Variants in SYT9 observed in about 807,000 individuals in gnomAD.
The protein encoded by SYT9 is synaptotagmin-9.
In SYT9, 22 loss-of-function variants were observed where a neutral mutation model predicts 48.4. The observed-to-expected ratio is 0.45, with a 90% CI of 0.32 to 0.65. The LOEUF (loss-of-function observed/expected upper bound fraction) is 0.65. Among genes scored for constraint, SYT9 ranks in the 30% least tolerant of loss-of-function variants. SYT9 has a pLI of 0.03. For synonymous variants in SYT9, 265 were observed against 245.0 expected, an observed-to-expected ratio of 1.08 and a Z score of -0.76; for missense variants, 577 against 622.0, an observed-to-expected ratio of 0.93 and a Z score of 0.77.
intron 1 of SYT9, among the ~76,000 whole-genome samples, chr11:7,267,517 T>A (rs1458473454): frequency 6.6e-6 from 1 of 151,462 alleles, no homozygotes; most frequent in Non-Finnish European, 1.5e-5. Flanking sequence ...TCTCTTGAGT[T>A]AAAAAAAATC....
chr11:7,303,218 C>A lies in SYT9; in HGVS notation c.325C>A (p.Gln109Lys), dbSNP rs144734191. Residue 109 changes from glutamine to lysine, a missense_variant, in exon 2 of 7, where the codon CAG becomes AAG. Physicochemically the swap from Gln to Lys is moderately conservative, Grantham distance 53. Coordinates refer to ENST00000318881, the MANE Select transcript of SYT9 (RefSeq NM_175733.4). ...LNYMDTETNE[Q>K]ENSEDFLDPP... ...CTACATGGACACAGAGACCAATGAG[C>A]AGGAGAACAGTGAGGACTTCCTAGA... The A allele has an allele frequency of 2.5e-6, 4 of 1,613,994 alleles. No homozygotes were observed. Among genetic ancestry groups the A allele is most frequent in the Admixed American group, 1.7e-5 (1 of 59,992 alleles).
At position 7,252,209 on chromosome 11, in the gene SYT9, T is replaced by C. The variant is rs1298926255; in HGVS notation, c.23T>C (p.Leu8Pro). ...GCGATGCCCGGGGCCAGGGACGCGC[T>C]CTGTCACCAGGCGCTGCAGCTGCTG... MPGARDA[L>P]CHQALQLLAE... is the part of the protein sequence containing the mutation. Residue 8 changes from leucine to proline, a missense_variant, in exon 1 of 7, where the codon CTC becomes CCC. Leu to Pro is a moderately conservative substitution (Grantham distance 98, BLOSUM62 -3). Coordinates refer to ENST00000318881, the MANE Select transcript of SYT9 (RefSeq NM_175733.4). This position sits in a 1 kb window ranked among gnomAD's most constrained non-coding sequence, Gnocchi z 6.3. 1.4e-6 allele frequency: 2 copies of C among 1,476,430 alleles called. No homozygotes were observed. The highest frequency in any genetic ancestry group is 4.9e-5 in the Admixed American group (2 of 40,556). 91.5% of individuals were successfully genotyped at this position (1,476,430 alleles called of 1,614,324 possible). A position where few individuals can be genotyped will look rare whatever the true frequency, so the allele number is the denominator to read the frequency against.
chr11:7,414,799 G>A (rs1282862167), intron 3 of SYT9, among the ~76,000 whole-genome samples: 2 of 152,206 alleles, frequency 1.3e-5, no homozygotes, highest in Non-Finnish European at 2.9e-5. Context: ...ACCTTCCAGA[G>A]CCGAATCTGT....
intron 6 of SYT9, among the ~76,000 whole-genome samples, chr11:7,433,043 A>C (rs1847640711): frequency 6.6e-6 from 1 of 152,158 alleles, no homozygotes; most frequent in African/African-American, 2.4e-5. Context: ...AAGTGTTTGG[A>C]TAATATCCCT....
chr11:7,465,407 G>A (rs1332769793), intron 6 of SYT9, among the ~76,000 whole-genome samples: 4 of 152,208 alleles, frequency 2.6e-5, no homozygotes, highest in African/African-American at 7.2e-5. Flanking sequence ...CAGAATGGTT[G>A]CTACTCTTTT....
At chr11:7,331,914 G>A (rs144044013) in intron 3 of SYT9, among the ~76,000 whole-genome samples, 4 of 152,294 alleles carry the variant, frequency 2.6e-5, no homozygotes, top group African/African-American at 4.8e-5. Flanking sequence ...CCTTGAAGAG[G>A]AAGTCTGTAA....
chr11:7,280,038 C>CT, intron 1 of SYT9, among the ~76,000 whole-genome samples: 1 of 152,240 alleles, frequency 6.6e-6, no homozygotes, highest in East Asian at 1.9e-4. Flanking sequence ...AGTCTCCATG[C>CT]TGCCTGGATT....
chr11:7,264,767 GC>G (rs2119817479), intron 1 of SYT9, among the ~76,000 whole-genome samples: 1 of 152,204 alleles, frequency 6.6e-6, no homozygotes, highest in Non-Finnish European at 1.5e-5. Context: ...AGAACTACAG[GC>G]CCAGGGTTTT....
intron 6 of SYT9, among the ~76,000 whole-genome samples, chr11:7,428,235 G>A (rs1258341343): frequency 1.3e-5 from 2 of 152,190 alleles, no homozygotes; most frequent in Admixed American, 6.5e-5. Context: ...TGAACAGAAA[G>A]TCAACTGCAT....
intron 3 of SYT9, among the ~76,000 whole-genome samples, chr11:7,381,323 T>A (rs1589985537): frequency 6.6e-6 from 1 of 152,324 alleles, no homozygotes. Context: ...ACACAATGAT[T>A]TTTAGGGGTT....
At chr11:7,270,270 C>G (rs539029671) in intron 1 of SYT9, among the ~76,000 whole-genome samples, 1 of 152,250 alleles carries the variant, frequency 6.6e-6, no homozygotes, top group Admixed American at 6.5e-5. Context: ...TTTTAATTCT[C>G]TCCCCTCAAG....
intron 1 of SYT9, among the ~76,000 whole-genome samples, chr11:7,245,460 G>T (rs1370815821): frequency 1.3e-5 from 2 of 150,690 alleles, no homozygotes; most frequent in African/African-American, 2.4e-5. Flanking sequence ...TTGAGTCAGG[G>T]TTCTATTCCG....
At chr11:7,306,242 T>C (rs1849028690) in intron 2 of SYT9, among the ~76,000 whole-genome samples, 1 of 152,162 alleles carries the variant, frequency 6.6e-6, no homozygotes, top group African/African-American at 2.4e-5. Flanking sequence ...ATCCCCAAAA[T>C]AGAAGGAACC....
chr11:7,305,838 G>A (rs1849020975), intron 2 of SYT9, among the ~76,000 whole-genome samples: 2 of 152,234 alleles, frequency 1.3e-5, no homozygotes, highest in South Asian at 4.1e-4. Context: ...GTGTCTTCAG[G>A]ATCCTTGTGA....
At chr11:7,436,347 A>C (rs1847709249) in intron 6 of SYT9, among the ~76,000 whole-genome samples, 1 of 152,230 alleles carries the variant, frequency 6.6e-6, no homozygotes, top group Admixed American at 6.5e-5. Context: ...GCAGCCAGCC[A>C]CAGGGAAAGG....
At chr11:7,402,384 T>A (rs1246492419) in intron 3 of SYT9, among the ~76,000 whole-genome samples, 1 of 152,076 alleles carries the variant, frequency 6.6e-6, no homozygotes, top group Non-Finnish European at 1.5e-5. Context: ...TATTCTTACT[T>A]CTTCTCTTTT....
chr11:7,239,399 T>C (rs759317519), intron 1 of SYT9, among the ~76,000 whole-genome samples: 2 of 152,138 alleles, frequency 1.3e-5, no homozygotes, highest in Non-Finnish European at 2.9e-5. Context: ...CCTTATTCAG[T>C]AGCCCTCTAT....
chr11:7,362,833 A>G (rs984047784), intron 3 of SYT9, among the ~76,000 whole-genome samples: 2 of 151,792 alleles, frequency 1.3e-5, no homozygotes, highest in Non-Finnish European at 2.9e-5. Flanking sequence ...AACCATTTAC[A>G]TATATCGCCA....
chr11:7,396,490 A>G (rs1014067439), intron 3 of SYT9, among the ~76,000 whole-genome samples: 5 of 152,130 alleles, frequency 3.3e-5, no homozygotes, highest in South Asian at 2.1e-4. Context: ...AATATACCAC[A>G]CTTTGTTTAT....
Sources: gnomAD v4.1 joint callset for allele counts (sites outside exome capture counted in the v4.1 genomes callset) on GRCh38, gnomAD v4.1.1 for gene constraint, Gnocchi (gnomAD v3.1) non-coding constraint, MANE v1.5 for transcripts, NCBI Gene and HGNC (gene_info 2026-07-23, HGNC 2026-07-21) for gene names.